Variants in ARHGAP24 observed in about 807,000 individuals in gnomAD.
ARHGAP24 encodes the protein rho GTPase-activating protein 24.
In ARHGAP24, 50 loss-of-function variants were observed where a neutral mutation model predicts 76.4. That is an observed-to-expected ratio of 0.65 (90% CI 0.52 to 0.83). The LOEUF is 0.83. ARHGAP24 is among the 40% of genes least tolerant of loss of function. The probability of loss-of-function intolerance (pLI) is 0.00; values close to 1 mark genes in which losing one functional copy is unlikely to be tolerated. For missense variants in ARHGAP24, 930 were observed against 914.2 expected (o/e 1.02, Z -0.22); for synonymous variants, 345 against 323.3 (o/e 1.07, Z -0.72).
At chr4:85,490,256 C>CT (rs1355892329) in intron 1 of ARHGAP24, among the ~76,000 whole-genome samples, 2 of 152,068 alleles carry the variant, frequency 1.3e-5, no homozygotes, top group Non-Finnish European at 2.9e-5. Flanking sequence ...GGGAACAGGT[C>CT]TAGTGATTGC....
intron 2 of ARHGAP24, among the ~76,000 whole-genome samples, chr4:85,629,459 A>G (rs915191130): frequency 7.2e-5 from 11 of 152,122 alleles, no homozygotes; most frequent in Non-Finnish European, 1.6e-4. Flanking sequence ...ATACTTACAT[A>G]TGTTTTCACA....
At chr4:85,662,928 G>A (rs1722463263) in intron 2 of ARHGAP24, among the ~76,000 whole-genome samples, 1 of 151,866 alleles carries the variant, frequency 6.6e-6, no homozygotes, top group African/African-American at 2.4e-5. Flanking sequence ...TAGCTTTGTA[G>A]TATAGTTTGA....
Position 86,001,876 on chromosome 4 carries a change from A to C in ARHGAP24, c.*1154A>C, listed in dbSNP as rs1741041232. 1 of 156,068 alleles carries C rather than the reference A, an allele frequency of 6.4e-6. No homozygotes were observed. Among genetic ancestry groups the C allele is most frequent in the Non-Finnish European group, 1.4e-5 (1 of 70,770 alleles). 9.7% of individuals were successfully genotyped at this position (156,068 alleles called of 1,614,324 possible). On this transcript the variant is annotated 3_prime_UTR_variant, in exon 10 of 10. Coordinates refer to ENST00000395184, the MANE Select transcript of ARHGAP24 (RefSeq NM_001025616.3). Reference sequence around the variant, plus strand: ...GGCCAGGCTGCAGGAGAAGGAGAAAAGTTTAGAAGAAACAAACCATTTTGC... The same window carrying C: ...GGCCAGGCTGCAGGAGAAGGAGAAACGTTTAGAAGAAACAAACCATTTTGC...
At chr4:85,597,461 C>T (rs1213558214) in intron 2 of ARHGAP24, among the ~76,000 whole-genome samples, 1 of 151,968 alleles carries the variant, frequency 6.6e-6, no homozygotes, top group Non-Finnish European at 1.5e-5. Flanking sequence ...GTAGGAATTG[C>T]TGAAAAGGGT....
intron 2 of ARHGAP24, among the ~76,000 whole-genome samples, chr4:85,609,701 T>C (rs1720316727): frequency 6.6e-6 from 1 of 152,214 alleles, no homozygotes; most frequent in African/African-American, 2.4e-5. Flanking sequence ...CATTTTTAAT[T>C]GACACATAAT....
intron 3 of ARHGAP24, among the ~76,000 whole-genome samples, chr4:85,789,854 T>G (rs1176278115): frequency 6.6e-6 from 1 of 152,200 alleles, no homozygotes; most frequent in Non-Finnish European, 1.5e-5. Flanking sequence ...GTATGATATT[T>G]TGTCTTCTAA....
intron 2 of ARHGAP24, among the ~76,000 whole-genome samples, chr4:85,619,544 TG>T (rs536900568): frequency 4.8e-4 from 73 of 152,082 alleles, no homozygotes; most frequent in Non-Finnish European, 9.3e-4. Flanking sequence ...TTTGGCTCTA[TG>T]GATTGCTTTG....
intron 3 of ARHGAP24, among the ~76,000 whole-genome samples, chr4:85,838,034 A>G (rs1730383307): frequency 6.6e-6 from 1 of 152,190 alleles, no homozygotes; most frequent in African/African-American, 2.4e-5. Context: ...GGTTCAAATA[A>G]TGTCTGGAAA....
chr4:85,775,479 AG>A (rs1410843529), intron 3 of ARHGAP24, among the ~76,000 whole-genome samples: 1 of 152,166 alleles, frequency 6.6e-6, no homozygotes, highest in Non-Finnish European at 1.5e-5. Flanking sequence ...GCAGCAGGCA[AG>A]ATAGAATGAG....
intron 5 of ARHGAP24, among the ~76,000 whole-genome samples, chr4:85,949,941 G>T (rs575361352): frequency 1.3e-5 from 2 of 152,136 alleles, no homozygotes; most frequent in African/African-American, 4.8e-5. Context: ...CAAGTCATGG[G>T]CAGATAAACA....
intron 2 of ARHGAP24, among the ~76,000 whole-genome samples, chr4:85,719,321 A>G (rs1724845167): frequency 6.6e-6 from 1 of 152,138 alleles, no homozygotes; most frequent in African/African-American, 2.4e-5. Context: ...AGGAAAAGGT[A>G]CTTCCTGGAG....
intron 5 of ARHGAP24, among the ~76,000 whole-genome samples, chr4:85,962,602 T>G (rs1161242803): frequency 6.6e-6 from 1 of 152,034 alleles, no homozygotes; most frequent in Non-Finnish European, 1.5e-5. Flanking sequence ...TGAAAATAGG[T>G]CACCTGAATT....
intron 1 of ARHGAP24, among the ~76,000 whole-genome samples, chr4:85,488,560 G>T (rs948238667): frequency 5.3e-5 from 8 of 152,104 alleles, no homozygotes; most frequent in African/African-American, 1.9e-4. Context: ...ATTGGAAAAT[G>T]AATCCAAAGT....
intron 1 of ARHGAP24, among the ~76,000 whole-genome samples, chr4:85,476,516 GT>G (rs1321389761): frequency 4.6e-5 from 7 of 152,136 alleles, no homozygotes; most frequent in Non-Finnish European, 8.8e-5. Flanking sequence ...TATAAAAGTT[GT>G]TAAGGCTTTG....
At chr4:85,659,259 A>G (rs541747642) in intron 2 of ARHGAP24, among the ~76,000 whole-genome samples, 1 of 152,372 alleles carries the variant, frequency 6.6e-6, no homozygotes, top group South Asian at 2.1e-4. Context: ...TGATGCTACC[A>G]GTAACAGAAT....
At chr4:85,662,011 G>A (rs371902827) in intron 2 of ARHGAP24, among the ~76,000 whole-genome samples, 40 of 152,286 alleles carry the variant, frequency 2.6e-4, no homozygotes, top group African/African-American at 7.7e-4. Context: ...AGCATGATTT[G>A]TAGTCCTTTG....
chr4:85,581,599 C>T (rs560973513), intron 2 of ARHGAP24, among the ~76,000 whole-genome samples: 19 of 152,178 alleles, frequency 1.2e-4, no homozygotes, highest in African/African-American at 4.3e-4. Context: ...AATAAACCAA[C>T]GTAGCTCTAA....
intron 2 of ARHGAP24, among the ~76,000 whole-genome samples, chr4:85,702,297 T>A (rs995860706): frequency 6.6e-6 from 1 of 152,172 alleles, no homozygotes; most frequent in African/African-American, 2.4e-5. Flanking sequence ...TTTCAAAAAA[T>A]CTCTACTTTT....
intron 3 of ARHGAP24, among the ~76,000 whole-genome samples, chr4:85,859,321 C>T (rs1731758425): frequency 6.6e-6 from 1 of 151,890 alleles, no homozygotes; most frequent in African/African-American, 2.4e-5. Flanking sequence ...CAGTCATAAG[C>T]TACCAAGACT....
Sources: allele counts gnomAD v4.1 joint callset (sites outside exome capture counted in the v4.1 genomes callset), GRCh38; gene constraint gnomAD v4.1.1; transcripts MANE v1.5; gene names NCBI Gene and HGNC (gene_info 2026-07-23, HGNC 2026-07-21).